Variants in TLX1 observed in about 807,000 individuals in gnomAD.
The protein encoded by TLX1 is T-cell leukemia homeobox protein 1.
Under a neutral mutation model 26.5 loss-of-function variants are expected in TLX1, and 6 were observed. That is an observed-to-expected ratio of 0.23 (90% CI 0.12 to 0.45). The LOEUF is 0.45. Among genes scored for constraint, TLX1 ranks in the 20% least tolerant of loss-of-function variants. The pLI, the probability that TLX1 is intolerant of heterozygous loss-of-function variation, is 0.99. For missense variants in TLX1, 418 were observed against 482.6 expected (o/e 0.87, Z 1.25); for synonymous variants, 217 against 219.7 (o/e 0.99, Z 0.11).
At position 101,131,372 on chromosome 10, in the gene TLX1, G is replaced by C. The variant is rs1590125664; in HGVS notation, c.-170G>C. The C allele has an allele frequency of 4.6e-6, 2 of 436,882 alleles. No individual in the cohort carries two copies. Among genetic ancestry groups the C allele is most frequent in the East Asian group, 7.1e-5 (2 of 28,142 alleles). The allele number at this position is 436,882 out of a possible 1,614,324, so 27.1% of individuals were successfully genotyped here. A position where few individuals can be genotyped will look rare whatever the true frequency, so the allele number is the denominator to read the frequency against. ...AAGCCAGAGAGGGGAAGAATACGGC[G>C]CCCCCTCTCTCCCTCCCCTCCCCCT... On this transcript the variant is annotated 5_prime_UTR_variant, in exon 1 of 3. Transcript: ENST00000370196.
At chr10:101,133,010 G>A (rs998531194) in intron 1 of TLX1, 1 of 152,528 alleles carries the variant, frequency 6.6e-6, no homozygotes, top group Non-Finnish European at 1.5e-5. Flanking sequence ...TCCCCTTAGG[G>A]TTCCCTGGAT....
chr10:101,131,788 G>A lies in TLX1; in HGVS notation c.247G>A (p.Gly83Arg). Residue 83 changes from glycine (G) to arginine (R), a missense_variant, in exon 1 of 3, where the codon GGA becomes AGA. This residue lies in a region of TLX1 where 322 missense variants were observed against 344.6 expected (regional missense o/e 0.93). Transcript: ENST00000370196. ...TGGTACTGGAGGTCCCGGCGGCCCC[G>A]GAGGCCCGGCAGGCGGCGGCGGCGC... ...AYGTGGPGGP[G>R]GPAGGGGACS... 2 of 1,388,076 alleles carry A rather than the reference G, an allele frequency of 1.4e-6. No individual in the cohort carries two copies. Among genetic ancestry groups the A allele is most frequent in the East Asian group, 3.0e-5 (1 of 32,816 alleles). 86.0% of individuals were successfully genotyped at this position (1,388,076 alleles called of 1,614,324 possible). A position where few individuals can be genotyped will look rare whatever the true frequency, so the allele number is the denominator to read the frequency against.
In TLX1 at chr10:101,134,385, G is replaced by A. The variant is rs1365245413; in HGVS notation, c.770+9G>A. On this transcript the variant is annotated intron_variant, in intron 2 of 2. Transcript: ENST00000370196. ...CGGCGGACAAAGTGGAGGTGAGCAA[G>A]CGGGGCGGGCCGGCCGCCCGCGAGC... 9 of 1,560,300 alleles carry A rather than the reference G, an allele frequency of 5.8e-6. No individual in the cohort carries two copies. Among genetic ancestry groups the A allele is most frequent in the Non-Finnish European group, 7.8e-6 (9 of 1,156,568 alleles).
In TLX1 at chr10:101,132,160, T is replaced by C; in HGVS notation, c.568+51T>C. On this transcript the variant is annotated intron_variant, in intron 1 of 2. Coordinates refer to ENST00000370196, the MANE Select transcript of TLX1 (RefSeq NM_005521.4). The surrounding 1 kb of genome is among the most constrained non-coding windows in gnomAD (Gnocchi z 4.1). ...CCTGGCCGCGGCCCGGGCTCCGTGC[T>C]ACCCCTGCCCCGCCGGGTGGCTCCC... 1 of 1,303,524 alleles carries C rather than the reference T, an allele frequency of 7.7e-7. No individual in the cohort carries two copies. Among genetic ancestry groups the C allele is most frequent in the Non-Finnish European group, 9.7e-7 (1 of 1,027,156 alleles). The allele number at this position is 1,303,524 out of a possible 1,614,324, so 80.7% of individuals were successfully genotyped here. A position where few individuals can be genotyped will look rare whatever the true frequency, so the allele number is the denominator to read the frequency against.
Position 101,137,065 on chromosome 10 carries a change from C to A in TLX1, c.*152C>A. 1 of 1,001,986 alleles carries A rather than the reference C, an allele frequency of 1.0e-6. No individual in the cohort carries two copies. The highest frequency in any genetic ancestry group is 1.4e-6 in the Non-Finnish European group (1 of 700,746). The allele number at this position is 1,001,986 out of a possible 1,614,324, so 62.1% of individuals were successfully genotyped here. A position where few individuals can be genotyped will look rare whatever the true frequency, so the allele number is the denominator to read the frequency against. ...CCCCGAAGGGCCCCCACATTTGTGC[C>A]GACACTGTTCTCCCTTCGGTGGAAG... On this transcript the variant is annotated 3_prime_UTR_variant, in exon 3 of 3. Coordinates refer to ENST00000370196, the MANE Select transcript of TLX1 (RefSeq NM_005521.4).
Position 101,134,300 on chromosome 10 carries a change from G to T in TLX1, c.694G>T (p.Ala232Ser). ...RQKYLASAERAALAKALKMTD... is the reference protein window; with the variant it reads ...RQKYLASAERSALAKALKMTD... ...GAAGTACCTGGCCTCGGCCGAGCGC[G>T]CCGCCCTGGCCAAGGCGCTCAAAAT... The change falls in exon 2 of 3, where the codon GCC becomes TCC. Residue 232 changes from alanine to serine, a missense_variant. This residue lies in a region of TLX1 where 18 missense variants were observed against 45.8 expected (regional missense o/e 0.39). Transcript: ENST00000370196. 6.2e-7 allele frequency: 1 copy of T among 1,612,072 alleles called. No homozygotes were observed. Among genetic ancestry groups the T allele is most frequent in the Non-Finnish European group, 8.5e-7 (1 of 1,179,428 alleles).
At chr10:101,134,001 C>T in intron 1 of TLX1, 174 bp from the exon 2 acceptor site, 1 of 604,750 alleles carries the variant, frequency 1.7e-6, no homozygotes, top group Non-Finnish European at 2.8e-6. Flanking sequence ...GGGCTTGTCG[C>T]TGAGGGCTAA....
At chr10:101,136,119 C>T (rs1564677410) in intron 2 of TLX1, among the ~76,000 whole-genome samples, 1 of 152,222 alleles carries the variant, frequency 6.6e-6, no homozygotes, top group East Asian at 1.9e-4. Flanking sequence ...TGAGTCATCG[C>T]CTCCCTGAAC....
At position 101,137,037 on chromosome 10, in the gene TLX1, C is replaced by A; in HGVS notation, c.*124C>A. The A allele has an allele frequency of 1.6e-6, 2 of 1,284,452 alleles. No homozygotes were observed. The highest frequency in any genetic ancestry group is 2.1e-6 in the Non-Finnish European group (2 of 946,182). 79.6% of individuals were successfully genotyped at this position (1,284,452 alleles called of 1,614,324 possible). ...CCAGGAGGGGAACACTGCCCTCGCA[C>A]GGCCCCGAAGGGCCCCCACATTTGT... is the stretch of plus-strand genomic sequence containing the variant. On this transcript the variant is annotated 3_prime_UTR_variant, in exon 3 of 3. Coordinates refer to ENST00000370196, the MANE Select transcript of TLX1 (RefSeq NM_005521.4).
intron 2 of TLX1, among the ~76,000 whole-genome samples, chr10:101,134,970 G>T (rs892532923): frequency 6.6e-6 from 1 of 152,270 alleles, no homozygotes; most frequent in Non-Finnish European, 1.5e-5. Flanking sequence ...ACTGGAAGGG[G>T]AATCAATTAG....
intron 2 of TLX1, among the ~76,000 whole-genome samples, 197 bp from the exon 3 acceptor site, chr10:101,136,494 G>T (rs975436982): frequency 7.9e-5 from 12 of 152,212 alleles, no homozygotes; most frequent in Non-Finnish European, 1.3e-4. Flanking sequence ...GGCTCCATCC[G>T]CTTTGGGGTT....
rs1264018294 is a variant in TLX1 at position 101,132,788 on chromosome 10, T to A, written c.568+679T>A. ...TCCTACCCCGGGCCCAGCCCTGTTA[T>A]CTTGGGCACGAACAATGCACCGGTA... On this transcript the variant is annotated intron_variant, in intron 1 of 2. Transcript: ENST00000370196. The surrounding 1 kb of genome is among the most constrained non-coding windows in gnomAD (Gnocchi z 4.1). 1.3e-5 allele frequency: 2 copies of A among 152,278 alleles called. No individual in the cohort carries two copies. The highest frequency in any genetic ancestry group is 1.3e-4 in the Admixed American group (2 of 15,280). The allele number at this position is 152,278 out of a possible 1,614,324, so 9.4% of individuals were successfully genotyped here.
rs191164713 is a variant in TLX1 at position 101,133,628 on chromosome 10, A to G, written c.569-547A>G. ...GCATGAAGGCGGTTTCAGCGAGTGT[A>G]TGGCTGTGGCCTTGTTTTGCTCTGT... On this transcript the variant is annotated intron_variant, in intron 1 of 2. Transcript: ENST00000370196. 1.9e-3 allele frequency among the ~76,000 whole-genome samples: 294 copies of G among 152,314 alleles called. 2 individuals are homozygous for G. Among genetic ancestry groups the G allele is most frequent in the African/African-American group, 6.6e-3 (276 of 41,568 alleles).
At position 101,132,077 on chromosome 10, in the gene TLX1, G is replaced by A; in HGVS notation, c.536G>A (p.Ser179Asn). 6.9e-7 allele frequency: 1 copy of A among 1,443,964 alleles called. No homozygotes were observed. The highest frequency in any genetic ancestry group is 9.1e-7 in the Non-Finnish European group (1 of 1,103,488). The allele number at this position is 1,443,964 out of a possible 1,614,324, so 89.4% of individuals were successfully genotyped here. The stretch of plus-strand genomic sequence containing the variant: ...GGCCTCACCTTCCCCTGGATGGAGA[G>A]TAACCGCAGATACACAAAGGACAGG... The part of the protein sequence containing the change: ...LTGLTFPWME[S>N]NRRYTKDRFT... The change falls in exon 1 of 3, where the codon AGT (serine) becomes AAT (asparagine). Residue 179 changes from serine (S) to asparagine (N), a missense_variant. This residue lies in a region of TLX1 where 322 missense variants were observed against 344.6 expected (regional missense o/e 0.93). Coordinates refer to ENST00000370196, the MANE Select transcript of TLX1 (RefSeq NM_005521.4). This position sits in a 1 kb window ranked among gnomAD's most constrained non-coding sequence, Gnocchi z 4.1.
chr10:101,133,739 T>A lies in TLX1; in HGVS notation c.569-436T>A, dbSNP rs561558339. On this transcript the variant is annotated intron_variant, in intron 1 of 2. Transcript: ENST00000370196. ...GAGTTTGCCCCCGTTGTACGTTGTGTTGGTGTGTGCTGCTGTGGATGGAGG... is the reference window on the plus strand; with the variant it reads ...GAGTTTGCCCCCGTTGTACGTTGTGATGGTGTGTGCTGCTGTGGATGGAGG... Among the ~76,000 whole-genome samples, 30 of 152,266 alleles carry A rather than the reference T, an allele frequency of 2.0e-4. No individual in the cohort carries two copies. The East Asian group carries it at 5.8e-3, about 29-fold the overall frequency.
At position 101,132,368 on chromosome 10, in the gene TLX1, A is replaced by T. The variant is rs1260431253; in HGVS notation, c.568+259A>T. On this transcript the variant is annotated intron_variant, in intron 1 of 2. Coordinates refer to ENST00000370196, the MANE Select transcript of TLX1 (RefSeq NM_005521.4). This position sits in a 1 kb window ranked among gnomAD's most constrained non-coding sequence, Gnocchi z 4.1. The stretch of plus-strand genomic sequence containing the variant: ...TCTCCCTGGTCCCCTCTCCGGATCC[A>T]CTAGCCGGGTCAGGCAGAGAGAAGG... Among the ~76,000 whole-genome samples the T allele has an allele frequency of 6.6e-6, 1 of 152,230 alleles. No homozygotes were observed. Among genetic ancestry groups the T allele is most frequent in the Non-Finnish European group, 1.5e-5 (1 of 68,034 alleles).
rs756166284 is a variant in TLX1 at position 101,137,006 on chromosome 10, C to T, written c.*93C>T. ...TCCTCCCCACCCTCCTGGCCTCAGA[C>T]TGCACCCAGGAGGGGAACACTGCCC... On this transcript the variant is annotated 3_prime_UTR_variant, in exon 3 of 3. Coordinates refer to ENST00000370196, the MANE Select transcript of TLX1 (RefSeq NM_005521.4). 3.3e-6 allele frequency: 5 copies of T among 1,494,490 alleles called. No individual in the cohort carries two copies. The highest frequency in any genetic ancestry group is 4.5e-6 in the Non-Finnish European group (5 of 1,106,914). The allele number at this position is 1,494,490 out of a possible 1,614,324, so 92.6% of individuals were successfully genotyped here.
Position 101,136,987 on chromosome 10 carries a change from C to T in TLX1, c.*74C>T. The stretch of plus-strand genomic sequence containing the variant: ...GAGGCCTGAGACCCAGGACTCCTCC[C>T]CACCCTCCTGGCCTCAGACTGCACC... On this transcript the variant is annotated 3_prime_UTR_variant, in exon 3 of 3. Transcript: ENST00000370196. The T allele has an allele frequency of 1.3e-6, 2 of 1,560,198 alleles. No individual in the cohort carries two copies. The highest frequency in any genetic ancestry group is 1.7e-6 in the Non-Finnish European group (2 of 1,148,570).
At position 101,131,518 on chromosome 10, in the gene TLX1, C is replaced by T. The variant is rs772430343; in HGVS notation, c.-24C>T. 56 of 1,417,586 alleles carry T rather than the reference C, an allele frequency of 4.0e-5. No homozygotes were observed. The South Asian group carries it at 8.1e-4, about 20-fold the overall frequency. 87.8% of individuals were successfully genotyped at this position (1,417,586 alleles called of 1,614,324 possible). ...AGCGCAGCGAGCGCCGCCGCCCGGG[C>T]CCCCCGGTGGGGCCAGGGCCAGCAT... On this transcript the variant is annotated 5_prime_UTR_variant, in exon 1 of 3. Transcript: ENST00000370196.
Sources: allele counts gnomAD v4.1 joint callset (sites outside exome capture counted in the v4.1 genomes callset), GRCh38; gene constraint gnomAD v4.1.1; regional missense constraint gnomAD v4.1.1; non-coding constraint Gnocchi (gnomAD v3.1); transcripts MANE v1.5; gene names NCBI Gene and HGNC (gene_info 2026-07-23, HGNC 2026-07-21).